The following TSHZ2 variants were observed in gnomAD, a reference collection of about 807,000 sequenced individuals.
TSHZ2 encodes the protein teashirt homolog 2.
A neutral mutation model predicts 74.4 loss-of-function variants in TSHZ2; 21 were observed. That is an observed-to-expected ratio of 0.28 (90% CI 0.20 to 0.41). The LOEUF is 0.41. Among genes scored for constraint, TSHZ2 ranks in the 10% least tolerant of loss-of-function variants. The pLI is 1.00. For synonymous variants in TSHZ2, 540 were observed against 515.3 expected (o/e 1.05, Z -0.65); for missense variants, 1,244 against 1,293.5 (o/e 0.96, Z 0.59).
chr20:53,276,260 A>T (rs1340360073), intron 2 of TSHZ2, among the ~76,000 whole-genome samples: 14 of 145,594 alleles, frequency 9.6e-5, no homozygotes, highest in African/African-American at 3.7e-4. Flanking sequence ...TTTTTTTTGG[A>T]ACCACTTTTT....
chr20:52,993,804 A>G (rs1173787455), intron 1 of TSHZ2, among the ~76,000 whole-genome samples: 3 of 152,272 alleles, frequency 2.0e-5, no homozygotes, highest in Non-Finnish European at 4.4e-5. Context: ...CACATAGTAC[A>G]CTGAGCAAAC....
At chr20:53,247,261 G>A (rs1347974949) in intron 1 of TSHZ2, among the ~76,000 whole-genome samples, 5 of 152,266 alleles carry the variant, frequency 3.3e-5, no homozygotes, top group East Asian at 1.9e-4. Context: ...GTGCATGAAC[G>A]TAGATCACTT....
At chr20:53,182,683 C>G (rs536717497) in intron 1 of TSHZ2, among the ~76,000 whole-genome samples, 2 of 152,176 alleles carry the variant, frequency 1.3e-5, no homozygotes, top group African/African-American at 4.8e-5. Context: ...GATAAACGTG[C>G]TCAGAGTAAA....
chr20:53,401,991 A>G (rs1982682676), intron 2 of TSHZ2, among the ~76,000 whole-genome samples: 1 of 151,782 alleles, frequency 6.6e-6, no homozygotes, highest in South Asian at 2.1e-4. Flanking sequence ...CATCGTGTTA[A>G]CCAGGATGGT....
At chr20:53,062,718 T>C (rs988965554) in intron 1 of TSHZ2, among the ~76,000 whole-genome samples, 14 of 152,238 alleles carry the variant, frequency 9.2e-5, no homozygotes, top group African/African-American at 3.1e-4. Flanking sequence ...GCTGGTTCAC[T>C]TTCCTATCAT....
chr20:53,264,260 G>A (rs1256682787), intron 2 of TSHZ2, among the ~76,000 whole-genome samples: 5 of 152,188 alleles, frequency 3.3e-5, no homozygotes, highest in Admixed American at 2.6e-4. Flanking sequence ...AGAAAGCTGA[G>A]GCTCAGAGAA....
intron 2 of TSHZ2, among the ~76,000 whole-genome samples, chr20:53,320,366 TA>T (rs1218818209): frequency 6.6e-6 from 1 of 152,236 alleles, no homozygotes; most frequent in Admixed American, 6.5e-5. Flanking sequence ...CTAGAAACAC[TA>T]TGTTTCCCAT....
At chr20:53,421,843 C>T (rs1020162437) in intron 2 of TSHZ2, among the ~76,000 whole-genome samples, 2 of 151,750 alleles carry the variant, frequency 1.3e-5, no homozygotes, top group South Asian at 4.2e-4. Flanking sequence ...CCACCATGCC[C>T]GGCGAATTTT....
chr20:53,126,763 C>T lies in TSHZ2; in HGVS notation c.41-126736C>T, dbSNP rs543747181. Among the ~76,000 whole-genome samples, 9 of 152,194 alleles carry T rather than the reference C, an allele frequency of 5.9e-5. No homozygotes were observed. In the South Asian group the frequency reaches 8.3e-4, roughly 14 times the overall value. On this transcript the variant is annotated intron_variant, in intron 1 of 2. Transcript: ENST00000371497. ...TATGACCAAAGCTGAAAGTCTATAG[C>T]GCGAGGTAGTCATTTGCAACTACTT...
At chr20:53,236,969 C>T (rs1024818249) in intron 1 of TSHZ2, among the ~76,000 whole-genome samples, 1 of 152,134 alleles carries the variant, frequency 6.6e-6, no homozygotes, top group African/African-American at 2.4e-5. Flanking sequence ...GCTTACAATT[C>T]AAGATGAGGT....
intron 2 of TSHZ2, among the ~76,000 whole-genome samples, chr20:53,431,697 G>T (rs536235402): frequency 2.6e-5 from 4 of 152,290 alleles, no homozygotes; most frequent in Admixed American, 2.6e-4. Context: ...CATGGTGAAG[G>T]TGGAAGAGAA....
intron 1 of TSHZ2, among the ~76,000 whole-genome samples, chr20:53,124,182 A>G (rs1986886280): frequency 1.3e-5 from 2 of 152,296 alleles, no homozygotes; most frequent in South Asian, 4.1e-4. Context: ...CATTTTATGT[A>G]ATCCTGCTAT....
intron 2 of TSHZ2, among the ~76,000 whole-genome samples, chr20:53,329,137 G>A (rs141196775): frequency 3.9e-5 from 6 of 152,254 alleles, no homozygotes; most frequent in African/African-American, 9.6e-5. Flanking sequence ...CTCATCACTC[G>A]AATGCATTTG....
At chr20:53,220,163 C>T (rs149265031) in intron 1 of TSHZ2, among the ~76,000 whole-genome samples, 4 of 152,260 alleles carry the variant, frequency 2.6e-5, no homozygotes, top group South Asian at 2.1e-4. Context: ...ATCAAAATAA[C>T]GCATTTAGCT....
intron 1 of TSHZ2, among the ~76,000 whole-genome samples, chr20:53,056,125 A>C (rs1984631494): frequency 6.6e-6 from 1 of 152,264 alleles, no homozygotes; most frequent in Non-Finnish European, 1.5e-5. Context: ...TATACCTAGA[A>C]CACAGTAAGT....
chr20:53,450,904 T>C (rs1984753057), intron 2 of TSHZ2, among the ~76,000 whole-genome samples: 1 of 117,878 alleles, frequency 8.5e-6, no homozygotes, highest in African/African-American at 4.4e-5. Flanking sequence ...TAAGGATTTA[T>C]TTAGTTTCCT....
At chr20:53,213,165 G>A (rs767040627) in intron 1 of TSHZ2, among the ~76,000 whole-genome samples, 10 of 152,096 alleles carry the variant, frequency 6.6e-5, no homozygotes, top group East Asian at 1.9e-4. Flanking sequence ...TCAAAACACC[G>A]AAAAACTTTT....
chr20:53,462,602 T>C (rs1392962886), intron 2 of TSHZ2, among the ~76,000 whole-genome samples: 1 of 152,242 alleles, frequency 6.6e-6, no homozygotes, highest in Non-Finnish European at 1.5e-5. Context: ...GCTTCATTTA[T>C]GGCTGTGCTT....
At chr20:53,231,209 T>C (rs115290553) in intron 1 of TSHZ2, among the ~76,000 whole-genome samples, 2 of 152,154 alleles carry the variant, frequency 1.3e-5, no homozygotes, top group Non-Finnish European at 2.9e-5. Flanking sequence ...AATAAACAGT[T>C]GAGAGGATAT....
Sources: allele counts gnomAD v4.1 joint callset (sites outside exome capture counted in the v4.1 genomes callset), GRCh38; gene constraint gnomAD v4.1.1; transcripts MANE v1.5; gene names NCBI Gene and HGNC (gene_info 2026-07-23, HGNC 2026-07-21).